The following PPM1L variants were observed in gnomAD, a reference collection of about 807,000 sequenced individuals.
The protein encoded by PPM1L is protein phosphatase, Mg2+/Mn2+ dependent 1L.
In PPM1L, 13 loss-of-function variants were observed where a neutral mutation model predicts 31.4. The observed-to-expected ratio is 0.41, with a 90% CI of 0.27 to 0.66. The LOEUF (loss-of-function observed/expected upper bound fraction) is 0.66, where lower values mean the gene tolerates loss of function less well. Ranked by LOEUF, PPM1L falls within the 30% of genes least tolerant of loss-of-function variation. The pLI is 0.29. For missense variants in PPM1L, 326 were observed against 453.7 expected, an observed-to-expected ratio of 0.72 and a Z score of 2.56; for synonymous variants, 184 against 175.4, an observed-to-expected ratio of 1.05 and a Z score of -0.39.
intron 1 of PPM1L, among the ~76,000 whole-genome samples, chr3:160,944,957 TATATAAC>T (rs1559897452): frequency 2.0e-5 from 1 of 50,202 alleles, no homozygotes; most frequent in East Asian, 3.4e-4. Flanking sequence ...TATATATAAC[TATATAAC>T]ATATATTATA....
intron 1 of PPM1L, among the ~76,000 whole-genome samples, chr3:160,781,934 T>C (rs1711758238): frequency 6.6e-6 from 1 of 152,376 alleles, no homozygotes; most frequent in South Asian, 2.1e-4. Context: ...TATTTCAGAA[T>C]GTCATTACTT....
Position 161,070,316 on chromosome 3 carries a change from T to A in PPM1L, c.*1159T>A, listed in dbSNP as rs1719867882. On this transcript the variant is annotated 3_prime_UTR_variant, in exon 4 of 4. Transcript: ENST00000498165. ...GAAACTACTGGGATAAGCTTCTCCT[T>A]GACAATGGAAAGGCAGCAGTCTTCA... 1 of 152,190 alleles carries A rather than the reference T, an allele frequency of 6.6e-6. No individual in the cohort carries two copies. Among genetic ancestry groups the A allele is most frequent in the Non-Finnish European group, 1.5e-5 (1 of 68,042 alleles). The allele number at this position is 152,190 out of a possible 1,614,324, so 9.4% of individuals were successfully genotyped here.
At chr3:161,010,091 T>TGTTAATGG (rs1319557905) in intron 2 of PPM1L, among the ~76,000 whole-genome samples, 3 of 152,120 alleles carry the variant, frequency 2.0e-5, no homozygotes, top group Admixed American at 6.5e-5. Flanking sequence ...ACCATGTGGG[T>TGTTAATGG]GTGCTGCACC....
rs200882159 is a variant in PPM1L, at chr3:161,001,840, A to C, written c.574+39930A>C. Among the ~76,000 whole-genome samples, 6 of 151,736 alleles carry C rather than the reference A, an allele frequency of 4.0e-5. No individual in the cohort carries two copies. The East Asian group carries it at 1.2e-3, about 30-fold the overall frequency. On this transcript the variant is annotated intron_variant, in intron 2 of 3. Transcript: ENST00000498165. ...ATTTTAAGGATCTTTCTTTTTTTTA[A>C]TTCATTATTATTATACTTTAGGTTT...
intron 1 of PPM1L, among the ~76,000 whole-genome samples, chr3:160,790,631 A>G (rs984408323): frequency 6.6e-6 from 1 of 152,058 alleles, no homozygotes; most frequent in East Asian, 1.9e-4. Context: ...GGTAGGATGT[A>G]TTATTGTCAT....
Position 160,808,416 on chromosome 3 carries a change from T to TGTGTGTGCGTGC in PPM1L, c.399+51716_399+51717insCGTGCGTGTGTG, listed in dbSNP as rs1553808362. On this transcript the variant is annotated intron_variant, in intron 1 of 3. Transcript: ENST00000498165. ...GTGTGTGTGTGTGTGTGTGTGTGTG[T>TGTGTGTGCGTGC]GTGTGTGGTGGGTGAGGGAAGCTGG... Among the ~76,000 whole-genome samples, 253 of 129,310 alleles carry TGTGTGTGCGTGC rather than the reference T, an allele frequency of 2.0e-3. 16 individuals carry two copies. The highest frequency in any genetic ancestry group is 7.4e-3 in the African/African-American group (232 of 31,224). The allele number at this position is 129,310 out of a possible 152,430, so 84.8% of individuals were successfully genotyped here. A position where few individuals can be genotyped will look rare whatever the true frequency, so the allele number is the denominator to read the frequency against.
At chr3:160,927,609 T>TGA (rs1488766645) in intron 1 of PPM1L, among the ~76,000 whole-genome samples, 1 of 149,932 alleles carries the variant, frequency 6.7e-6, no homozygotes, top group Admixed American at 6.6e-5. Context: ...TTTCCCTATG[T>TGA]GTGTGTGTGT....
At chr3:160,972,402 A>G (rs866386438) in intron 2 of PPM1L, among the ~76,000 whole-genome samples, 4 of 127,420 alleles carry the variant, frequency 3.1e-5, no homozygotes, top group Middle Eastern at 0.012. Flanking sequence ...TCCTGTGTCC[A>G]TGTGTTCTCA....
chr3:160,893,487 A>C (rs1713225001), intron 1 of PPM1L, among the ~76,000 whole-genome samples: 1 of 152,140 alleles, frequency 6.6e-6, no homozygotes. Context: ...TCCTGATTTC[A>C]CAACCAGCCT....
At chr3:160,921,501 GC>G (rs1714402095) in intron 1 of PPM1L, among the ~76,000 whole-genome samples, 4 of 152,096 alleles carry the variant, frequency 2.6e-5, no homozygotes, top group Admixed American at 2.6e-4. Context: ...ATTTCAAAGG[GC>G]CTTTGAATAA....
intron 1 of PPM1L, among the ~76,000 whole-genome samples, chr3:160,921,207 C>T (rs1371404297): frequency 6.6e-6 from 1 of 152,094 alleles, no homozygotes; most frequent in Non-Finnish European, 1.5e-5. Flanking sequence ...TGCAGTTACC[C>T]TTTTAAATCA....
At chr3:160,933,083 T>C (rs2108080696) in intron 1 of PPM1L, among the ~76,000 whole-genome samples, 1 of 152,348 alleles carries the variant, frequency 6.6e-6, no homozygotes, top group East Asian at 1.9e-4. Flanking sequence ...AGTTTCTATT[T>C]ACATTTTGCT....
chr3:160,775,600 A>G (rs890668211), intron 1 of PPM1L, among the ~76,000 whole-genome samples: 2 of 152,170 alleles, frequency 1.3e-5, no homozygotes, highest in Admixed American at 6.5e-5. Flanking sequence ...AGGTAACTCT[A>G]TTTCTGGTGT....
At chr3:160,870,432 C>T (rs896860272) in intron 1 of PPM1L, among the ~76,000 whole-genome samples, 17 of 152,188 alleles carry the variant, frequency 1.1e-4, no homozygotes, top group African/African-American at 4.1e-4. Context: ...ACAAATCAAG[C>T]CACTATAATA....
intron 1 of PPM1L, among the ~76,000 whole-genome samples, chr3:160,929,330 A>C (rs1227281691): frequency 2.0e-5 from 3 of 152,194 alleles, no homozygotes; most frequent in Non-Finnish European, 4.4e-5. Context: ...CAATTCCATG[A>C]GGTACTCAAA....
chr3:160,908,452 A>G (rs1490229214), intron 1 of PPM1L, among the ~76,000 whole-genome samples: 1 of 152,232 alleles, frequency 6.6e-6, no homozygotes, highest in Non-Finnish European at 1.5e-5. Flanking sequence ...TGTTTTATAA[A>G]TACTCATAAA....
intron 1 of PPM1L, among the ~76,000 whole-genome samples, chr3:160,930,262 T>A (rs191566131): frequency 0.014 from 2,001 of 145,606 alleles, 22 homozygotes; most frequent in Non-Finnish European, 0.022. Context: ...AGCAGTCCCT[T>A]AAAAAAAAAA....
At position 160,970,787 on chromosome 3, in the gene PPM1L, AT is replaced by A. The variant is rs71628437; in HGVS notation, c.574+8899del. ...CAAGCTGATTTTAATTTCAGTTATAATTTTTTTTTTTTTTTTTTTTTTGAGA... is the reference window on the plus strand; with the variant it reads ...CAAGCTGATTTTAATTTCAGTTATAATTTTTTTTTTTTTTTTTTTTTGAGA... On this transcript the variant is annotated intron_variant, in intron 2 of 3. Transcript: ENST00000498165. Among the ~76,000 whole-genome samples, 114 of 97,180 alleles carry A rather than the reference AT, an allele frequency of 1.2e-3. 9 individuals are homozygous for A. The highest frequency in any genetic ancestry group is 9.1e-3 in the Middle Eastern group (1 of 110). The allele number at this position is 97,180 out of a possible 152,430, so 63.8% of individuals were successfully genotyped here.
intron 2 of PPM1L, among the ~76,000 whole-genome samples, chr3:161,061,992 T>C (rs945910201): frequency 5.9e-5 from 9 of 152,230 alleles, no homozygotes; most frequent in Non-Finnish European, 1.0e-4. Context: ...ACTGTTTACC[T>C]CTGTGCTCTA....
Sources: gnomAD v4.1 joint callset for allele counts (sites outside exome capture counted in the v4.1 genomes callset) on GRCh38, gnomAD v4.1.1 for gene constraint, MANE v1.5 for transcripts, NCBI Gene and HGNC (gene_info 2026-07-23, HGNC 2026-07-21) for gene names.